ZFPM1: variants seen among roughly 807,000 people sequenced by gnomAD.
ZFPM1 encodes the protein zinc finger protein ZFPM1.
In ZFPM1, 28 loss-of-function variants were observed where a neutral mutation model predicts 46.3. That is an observed-to-expected ratio of 0.60 (90% CI 0.45 to 0.83). ZFPM1 has a LOEUF of 0.83. Among genes scored for constraint, ZFPM1 ranks in the 40% least tolerant of loss-of-function variants. ZFPM1 has a pLI of 0.00. For missense variants in ZFPM1, 1,878 were observed against 1,432.4 expected, an observed-to-expected ratio of 1.31 and a Z score of -5.02; for synonymous variants, 957 against 675.9, an observed-to-expected ratio of 1.42 and a Z score of -6.45.
At chr16:88,533,096 C>G in intron 9 of ZFPM1, 52 bp from the exon 10 acceptor site, 2 of 1,464,342 alleles carry the variant, frequency 1.4e-6, no homozygotes, top group Non-Finnish European at 1.8e-6. Context: ...CAGCTCTGAC[C>G]GGCCAGGTCC....
intron 6 of ZFPM1, among the ~76,000 whole-genome samples, chr16:88,531,338 T>C (rs1311310548): frequency 6.6e-6 from 1 of 151,868 alleles, no homozygotes; most frequent in African/African-American, 2.4e-5. Flanking sequence ...GTAAGCAGAG[T>C]GCAAGCCCCC....
chr16:88,454,582 TG>T (rs983684618), intron 1 of ZFPM1, among the ~76,000 whole-genome samples: 7 of 152,226 alleles, frequency 4.6e-5, no homozygotes, highest in African/African-American at 1.7e-4. Context: ...CAGAGGCTGC[TG>T]CCCCGCCGCC....
At position 88,528,039 on chromosome 16, in the gene ZFPM1, A is replaced by G. The variant is rs1245842629; in HGVS notation, c.513A>G (p.Ala171=). 5.2e-6 allele frequency: 8 copies of G among 1,542,276 alleles called. No individual in the cohort carries two copies. Among genetic ancestry groups the G allele is most frequent in the East Asian group, 2.4e-5 (1 of 40,870 alleles). Residue 171 remains alanine (A), a synonymous_variant, in exon 6 of 10, where the codon GCA becomes GCG. Coordinates refer to ENST00000319555, the MANE Select transcript of ZFPM1 (RefSeq NM_153813.3). ...ANTEIHRKDD[A]LWCRVTKPVP... ...ACACCTGTCTCCCTCCAGATGACGC[A>G]CTCTGGTGCAGGGTCACCAAGCCGG... is the stretch of plus-strand genomic sequence containing the variant.
At chr16:88,498,638 T>C (rs1394702274) in intron 3 of ZFPM1, among the ~76,000 whole-genome samples, 1 of 151,930 alleles carries the variant, frequency 6.6e-6, no homozygotes, top group Non-Finnish European at 1.5e-5. Flanking sequence ...GAGTTCCAAA[T>C]GAACGAGGGG....
Position 88,534,378 on chromosome 16 carries a change from G to C in ZFPM1, c.2420G>C (p.Gly807Ala), listed in dbSNP as rs2142500645. 2 of 1,453,036 alleles carry C rather than the reference G, an allele frequency of 1.4e-6. No individual in the cohort carries two copies. The highest frequency in any genetic ancestry group is 1.8e-6 in the Non-Finnish European group (2 of 1,107,668). The allele number at this position is 1,453,036 out of a possible 1,614,324, so 90.0% of individuals were successfully genotyped here. A position where few individuals can be genotyped will look rare whatever the true frequency, so the allele number is the denominator to read the frequency against. Residue 807 changes from glycine (G) to alanine (A), a missense_variant, in exon 10 of 10, where the codon GGA (glycine) becomes GCA (alanine). By Grantham distance (60) the Gly-to-Ala change is moderately conservative (BLOSUM62 0). Transcript: ENST00000319555. The part of the protein sequence containing the change: ...LSKKPRRPLP[G>A]APAPALADYH... ...AAGAAGCCGCGGCGCCCGCTCCCCG[G>C]AGCCCCGGCACCGGCGCTGGCCGAC...
At chr16:88,501,741 C>T (rs995802929) in intron 3 of ZFPM1, among the ~76,000 whole-genome samples, 3 of 133,230 alleles carry the variant, frequency 2.3e-5, no homozygotes, top group Non-Finnish European at 3.2e-5. Context: ...GTGTGGGTGC[C>T]GGGCCCTCCC....
intron 2 of ZFPM1, among the ~76,000 whole-genome samples, chr16:88,486,258 T>C (rs896312075): frequency 6.6e-6 from 1 of 152,226 alleles, no homozygotes; most frequent in Non-Finnish European, 1.5e-5. Flanking sequence ...ACCTGCTGCA[T>C]GTGCAGCCTG....
rs764907399 is a variant in ZFPM1, at chr16:88,453,676, A to T, written c.38A>T (p.Lys13Met). ...AAACAGAGCAACCCCCGGCAGATCAAGCGTGAGTCAAACTTTGCCCGCGGT... is the reference window on the plus strand; with the variant it reads ...AAACAGAGCAACCCCCGGCAGATCATGCGTGAGTCAAACTTTGCCCGCGGT... ...RRKQSNPRQI[K>M]RSLGDMEARE... Residue 13 changes from lysine (K) to methionine (M), a missense_variant and splice_region_variant, in exon 1 of 10, where the codon AAG becomes ATG. Physicochemically the swap from Lys to Met is moderately conservative, Grantham distance 95 (BLOSUM62 -1). Transcript: ENST00000319555. 1 of 1,199,416 alleles carries T rather than the reference A, an allele frequency of 8.3e-7. No individual in the cohort carries two copies. The highest frequency in any genetic ancestry group is 1.9e-5 in the South Asian group (1 of 53,184). The allele number at this position is 1,199,416 out of a possible 1,614,324, so 74.3% of individuals were successfully genotyped here. A position where few individuals can be genotyped will look rare whatever the true frequency, so the allele number is the denominator to read the frequency against.
Position 88,534,512 on chromosome 16 carries a change from C to G in ZFPM1, c.2554C>G (p.Pro852Ala). 10 of 1,445,542 alleles carry G rather than the reference C, an allele frequency of 6.9e-6. No homozygotes were observed. Among genetic ancestry groups the G allele is most frequent in the Non-Finnish European group, 8.2e-6 (9 of 1,102,528 alleles). 89.5% of individuals were successfully genotyped at this position (1,445,542 alleles called of 1,614,324 possible). Residue 852 changes from proline (P) to alanine (A), a missense_variant, in exon 10 of 10, where the codon CCC becomes GCC. Pro to Ala is a conservative substitution (Grantham distance 27). Coordinates refer to ENST00000319555, the MANE Select transcript of ZFPM1 (RefSeq NM_153813.3). ...AAPPPGALGL[P>A]AAACPYCPPN... ...GCCACCGCCCGGCGCGCTCGGCCTG[C>G]CCGCCGCCGCCTGCCCCTACTGCCC...
chr16:88,526,710 G>A lies in ZFPM1; in HGVS notation c.403-104G>A, dbSNP rs2142473843. ...GTCCACAGCTTGGCCTACCAGCCAA[G>A]CCGGGAGGCAGATCCGTGTCACAGA... On this transcript the variant is annotated intron_variant, in intron 4 of 9. Transcript: ENST00000319555. 6 of 1,280,588 alleles carry A rather than the reference G, an allele frequency of 4.7e-6. No homozygotes were observed. The East Asian group carries it at 1.0e-4, about 22-fold the overall frequency. The allele number at this position is 1,280,588 out of a possible 1,614,324, so 79.3% of individuals were successfully genotyped here.
chr16:88,477,900 T>C (rs931881575), intron 1 of ZFPM1, among the ~76,000 whole-genome samples: 1 of 152,170 alleles, frequency 6.6e-6, no homozygotes, highest in African/African-American at 2.4e-5. Context: ...GGAGGGCGTG[T>C]TGGGCTCTGA....
chr16:88,479,815 C>T (rs1479413107), intron 1 of ZFPM1, among the ~76,000 whole-genome samples: 3 of 145,678 alleles, frequency 2.1e-5, no homozygotes, highest in African/African-American at 5.2e-5. Context: ...TCCTCTGCCC[C>T]GACCTGTGCC....
At chr16:88,488,186 C>G (rs1200974814) in intron 2 of ZFPM1, among the ~76,000 whole-genome samples, 1 of 152,180 alleles carries the variant, frequency 6.6e-6, no homozygotes, top group Admixed American at 6.5e-5. Context: ...GCAGGGCGCC[C>G]TGATGGAGGG....
rs116636629 is a variant in ZFPM1, at chr16:88,473,948, A to G, written c.41-11991A>G. ...GTTTAGTAATCGGTTCTCCGGAGTG[A>G]AGCAATCTCATGTAATCTATCAGTG... On this transcript the variant is annotated intron_variant, in intron 1 of 9. Coordinates refer to ENST00000319555, the MANE Select transcript of ZFPM1 (RefSeq NM_153813.3). Among the ~76,000 whole-genome samples the G allele has an allele frequency of 3.9e-3, 586 of 152,164 alleles. 4 individuals carry two copies. The highest frequency in any genetic ancestry group is 0.014 in the African/African-American group (569 of 41,528).
chr16:88,518,734 AGGGT>A (rs1201462864), intron 4 of ZFPM1, among the ~76,000 whole-genome samples: 5 of 82,386 alleles, frequency 6.1e-5, no homozygotes, highest in Admixed American at 1.2e-4. Context: ...GATGGCTGAG[AGGGT>A]GGATGGATGG....
intron 3 of ZFPM1, among the ~76,000 whole-genome samples, chr16:88,491,632 G>C (rs113185051): frequency 7.9e-5 from 12 of 152,342 alleles, no homozygotes; most frequent in African/African-American, 2.9e-4. Flanking sequence ...GGCCCTGGGG[G>C]ATGGAGCCTG....
rs955056553 is a variant in ZFPM1 at position 88,535,063 on chromosome 16, C to T, written c.*84C>T. On this transcript the variant is annotated 3_prime_UTR_variant, in exon 10 of 10. Coordinates refer to ENST00000319555, the MANE Select transcript of ZFPM1 (RefSeq NM_153813.3). ...CGCCCCCAGGCCGCACGGACTGCCG[C>T]TCCTGGGAACCCCGCCACGCACAGG... 2.2e-6 allele frequency: 3 copies of T among 1,335,564 alleles called. No individual in the cohort carries two copies. Among genetic ancestry groups the T allele is most frequent in the Non-Finnish European group, 2.9e-6 (3 of 1,036,986 alleles). The allele number at this position is 1,335,564 out of a possible 1,614,324, so 82.7% of individuals were successfully genotyped here.
intron 1 of ZFPM1, among the ~76,000 whole-genome samples, chr16:88,460,716 A>G (rs554673482): frequency 5.5e-4 from 84 of 152,320 alleles, no homozygotes; most frequent in African/African-American, 2.0e-3. Context: ...TGTGTTGGGT[A>G]GTCTAACAGG....
chr16:88,502,091 TTTA>T (rs1402063961), intron 3 of ZFPM1, among the ~76,000 whole-genome samples: 1 of 149,060 alleles, frequency 6.7e-6, no homozygotes, highest in Non-Finnish European at 1.5e-5. Context: ...TATTTATTTA[TTTA>T]TTTATTTATT....
Sources: gnomAD v4.1 joint callset for allele counts (sites outside exome capture counted in the v4.1 genomes callset) on GRCh38, gnomAD v4.1.1 for gene constraint, MANE v1.5 for transcripts, NCBI Gene and HGNC (gene_info 2026-07-23, HGNC 2026-07-21) for gene names.